PLA2G4C: variants seen among roughly 807,000 people sequenced by gnomAD.
The protein encoded by PLA2G4C is cytosolic phospholipase A2 gamma.
Under a neutral mutation model 73.8 loss-of-function variants are expected in PLA2G4C, and 64 were observed. The ratio of observed to expected loss-of-function variants is 0.87; its 90% confidence interval spans 0.71 to 1.07. The LOEUF is 1.07. PLA2G4C is among the 50% of genes least tolerant of loss of function. PLA2G4C has a pLI of 0.00. For synonymous variants in PLA2G4C, 254 were observed against 252.1 expected, an observed-to-expected ratio of 1.01 and a Z score of -0.07; for missense variants, 622 against 665.4, an observed-to-expected ratio of 0.93 and a Z score of 0.72.
chr19:48,085,959 C>T (rs1001118200), intron 9 of PLA2G4C, among the ~76,000 whole-genome samples: 1 of 152,186 alleles, frequency 6.6e-6, no homozygotes, highest in Non-Finnish European at 1.5e-5. Flanking sequence ...GAAGCCATTC[C>T]TTATTGTTCC....
chr19:48,064,521 TCAAGATATCAG>T (rs1179758215), intron 13 of PLA2G4C, among the ~76,000 whole-genome samples: 7 of 151,312 alleles, frequency 4.6e-5, no homozygotes, highest in Admixed American at 2.6e-4. Flanking sequence ...GCGTCTGTTC[TCAAGATATCAG>T]GATATCAGGA....
At chr19:48,063,390 C>G (rs567630256) in intron 13 of PLA2G4C, among the ~76,000 whole-genome samples, 1 of 152,100 alleles carries the variant, frequency 6.6e-6, no homozygotes, top group Non-Finnish European at 1.5e-5. Flanking sequence ...CAATCAGATA[C>G]GCATTTATCT....
chr19:48,077,653 A>G, intron 11 of PLA2G4C, 118 bp downstream of exon 11: 1 of 735,792 alleles, frequency 1.4e-6, no homozygotes, highest in South Asian at 2.2e-5. Context: ...GCTCCTCTCC[A>G]TTCCCAAAGG....
intron 9 of PLA2G4C, among the ~76,000 whole-genome samples, chr19:48,087,232 TG>T (rs2031030359): frequency 6.6e-6 from 1 of 152,158 alleles, no homozygotes; most frequent in Non-Finnish European, 1.5e-5. Flanking sequence ...GTTTCAGTGC[TG>T]GGCTCAGCAC....
rs115612712 is a variant in PLA2G4C at position 48,096,176 on chromosome 19, G to A, written c.569-572C>T. Among the ~76,000 whole-genome samples, 522 of 152,142 alleles carry A rather than the reference G, an allele frequency of 3.4e-3. 6 individuals carry two copies. Among genetic ancestry groups the A allele is most frequent in the African/African-American group, 0.012 (481 of 41,492 alleles). ...GCACAAAGGATGAAAATGAGGAGGG[G>A]GTGATTTCTAGGTCTGGGAATGACT... is the stretch of plus-strand genomic sequence containing the variant. On this transcript the variant is annotated intron_variant, in intron 6 of 16. Transcript: ENST00000599921.
At chr19:48,057,552 G>C (rs549717942) in intron 14 of PLA2G4C, among the ~76,000 whole-genome samples, 4,933 of 126,898 alleles carry the variant, frequency 0.039, 150 homozygotes, top group African/African-American at 0.078. Flanking sequence ...TGCAGTGGCG[G>C]GATCTTGGCT....
rs2030897074 is a variant in PLA2G4C, at chr19:48,085,094, A to G, written c.809T>C (p.Val270Ala). ...LTLKGLWRRA[V>A]ANAKSIGHLI... is the part of the protein sequence containing the mutation. Reference sequence around the variant, plus strand: ...GTGTCCAATGCTTTTAGCATTAGCAACAGCCCTTCTCCATAAACCTGCCAA... The same window carrying G: ...GTGTCCAATGCTTTTAGCATTAGCAGCAGCCCTTCTCCATAAACCTGCCAA... The change falls in exon 10 of 17, where the codon GTT (valine) becomes GCT (alanine). Residue 270 changes from valine to alanine, a missense_variant. Val to Ala is a moderately conservative substitution (Grantham distance 64). Coordinates refer to ENST00000599921, the MANE Select transcript of PLA2G4C (RefSeq NM_003706.3). 2.5e-6 allele frequency: 4 copies of G among 1,612,272 alleles called. No homozygotes were observed. The highest frequency in any genetic ancestry group is 3.4e-6 in the Non-Finnish European group (4 of 1,178,236).
At chr19:48,058,009 A>T (rs7508265) in intron 14 of PLA2G4C, among the ~76,000 whole-genome samples, 3 of 136,752 alleles carry the variant, frequency 2.2e-5, no homozygotes, top group East Asian at 4.7e-4. Flanking sequence ...ATCAAAAAAA[A>T]TTTTTTTGGC....
Position 48,055,015 on chromosome 19 carries a change from T to C in PLA2G4C, c.1292A>G (p.His431Arg). 1 of 1,612,730 alleles carries C rather than the reference T, an allele frequency of 6.2e-7. No homozygotes were observed. The change falls in exon 15 of 17, where the codon CAC becomes CGC. Residue 431 changes from histidine to arginine, a missense_variant. Physicochemically the swap from His to Arg is conservative, Grantham distance 29. Coordinates refer to ENST00000599921, the MANE Select transcript of PLA2G4C (RefSeq NM_003706.3). ...TTCTACTTGGGGAAAGGGGATCTTG[T>C]GGCGGCGGCAGTAGTCAGTGGTAGC... ...IRATTDYCRR[H>R]KIPFPQVEEA... is the part of the protein sequence containing the mutation.
At chr19:48,103,805 T>C (rs1349752087) in intron 4 of PLA2G4C, among the ~76,000 whole-genome samples, 1 of 152,250 alleles carries the variant, frequency 6.6e-6, no homozygotes, top group African/African-American at 2.4e-5. Flanking sequence ...AGTATTATTA[T>C]GCTTTGTCCA....
intron 12 of PLA2G4C, 44 bp downstream of exon 12, chr19:48,074,723 G>A (rs1327600683): frequency 7.4e-7 from 1 of 1,345,602 alleles, no homozygotes; most frequent in African/African-American, 1.4e-5. Flanking sequence ...GAGAAGGTTG[G>A]TGGCACTTAC....
chr19:48,104,765 G>T (rs766045290), intron 3 of PLA2G4C, 41 bp from the exon 4 acceptor site: 16 of 1,604,230 alleles, frequency 1.0e-5, no homozygotes, highest in African/African-American at 1.3e-5. Flanking sequence ...TTTAGAGCCT[G>T]AGGATGGAGG....
chr19:48,083,977 A>T (rs914511437), intron 10 of PLA2G4C, among the ~76,000 whole-genome samples: 9 of 151,824 alleles, frequency 5.9e-5, no homozygotes, highest in African/African-American at 2.2e-4. Flanking sequence ...GGAGGGGACA[A>T]CAGCATCCAC....
chr19:48,055,084 C>G (rs1568421502), intron 14 of PLA2G4C, 35 bp from the exon 15 acceptor site: 1 of 1,528,748 alleles, frequency 6.5e-7, no homozygotes, highest in South Asian at 1.2e-5. Flanking sequence ...GTTGCAAGAC[C>G]TCTCCAGAAG....
intron 8 of PLA2G4C, among the ~76,000 whole-genome samples, chr19:48,089,962 T>C (rs1375939036): frequency 6.6e-6 from 1 of 152,204 alleles, no homozygotes; most frequent in African/African-American, 2.4e-5. Flanking sequence ...AAATGTTAAA[T>C]GAGGGACCAG....
At chr19:48,100,013 CA>C (rs1909310613) in intron 4 of PLA2G4C, 153 bp from the exon 5 acceptor site, 2 of 542,790 alleles carry the variant, frequency 3.7e-6, no homozygotes, top group African/African-American at 3.8e-5. Flanking sequence ...TAAATAAATA[CA>C]ACTGCAGAAC....
intron 7 of PLA2G4C, among the ~76,000 whole-genome samples, chr19:48,091,706 T>C (rs1056855393): frequency 2.0e-5 from 3 of 151,764 alleles, no homozygotes; most frequent in Non-Finnish European, 4.4e-5. Flanking sequence ...CTGGCTAACA[T>C]GGTGAAACCC....
At chr19:48,058,599 C>A (rs1241102950) in intron 14 of PLA2G4C, among the ~76,000 whole-genome samples, 2 of 152,072 alleles carry the variant, frequency 1.3e-5, no homozygotes, top group East Asian at 3.9e-4. Flanking sequence ...GGGCGGATCA[C>A]CTGAGGTCAG....
intron 13 of PLA2G4C, among the ~76,000 whole-genome samples, chr19:48,066,451 C>T (rs1323654086): frequency 6.6e-6 from 1 of 152,126 alleles, no homozygotes; most frequent in Non-Finnish European, 1.5e-5. Context: ...TGGCATGGTG[C>T]GCAGACACAG....
Sources: allele counts gnomAD v4.1 joint callset (sites outside exome capture counted in the v4.1 genomes callset), GRCh38; gene constraint gnomAD v4.1.1; transcripts MANE v1.5; gene names NCBI Gene and HGNC (gene_info 2026-07-23, HGNC 2026-07-21).